Variants in ZSCAN9 observed in about 807,000 individuals in gnomAD.
The protein encoded by ZSCAN9 is zinc finger and SCAN domain-containing protein 9.
ZSCAN9 carries 19 observed loss-of-function variants against 23.0 expected under a neutral mutation model. The ratio of observed to expected loss-of-function variants is 0.83; its 90% confidence interval spans 0.58 to 1.21. The LOEUF is 1.21. Among genes scored for constraint, ZSCAN9 ranks in the 50% most tolerant of loss-of-function variants. The pLI is 0.00. For missense variants in ZSCAN9, 467 were observed against 471.5 expected (o/e 0.99, Z 0.09); for synonymous variants, 155 against 164.8 (o/e 0.94, Z 0.46).
Position 28,227,057 on chromosome 6 carries a change from G to T in ZSCAN9, c.-28G>T. On this transcript the variant is annotated 5_prime_UTR_variant, in exon 2 of 4. Coordinates refer to ENST00000252207, the MANE Select transcript of ZSCAN9 (RefSeq NM_006299.5). ...TCTTGAAGCATAGCTCCAGCTGGAGGGTACCTTTTAAGCTGTTCAAGGTCA... is the reference window on the plus strand; with the variant it reads ...TCTTGAAGCATAGCTCCAGCTGGAGTGTACCTTTTAAGCTGTTCAAGGTCA... The T allele has an allele frequency of 6.3e-7, 1 of 1,592,084 alleles. No homozygotes were observed. The highest frequency in any genetic ancestry group is 8.6e-7 in the Non-Finnish European group (1 of 1,168,236).
In ZSCAN9 at chr6:28,232,980, G is replaced by A; in HGVS notation, c.987G>A (p.Gln329=). The change falls in exon 4 of 4, where the codon CAG becomes CAA. Residue 329 remains glutamine (Q), a synonymous_variant. Transcript: ENST00000252207. ...AGAGTGCGGGTCTTATCCAGCATCA[G>A]AGAATCCACAAAGGAGAAAAGCCGT... ...FSQSAGLIQH[Q]RIHKGEKPYQ... 2 of 1,614,172 alleles carry A rather than the reference G, an allele frequency of 1.2e-6. No homozygotes were observed. Among genetic ancestry groups the A allele is most frequent in the Non-Finnish European group, 1.7e-6 (2 of 1,180,032 alleles).
intron 3 of ZSCAN9, among the ~76,000 whole-genome samples, chr6:28,230,127 G>C (rs1448547441): frequency 6.6e-6 from 1 of 152,198 alleles, no homozygotes; most frequent in Non-Finnish European, 1.5e-5. Context: ...GAAGTGCTGG[G>C]ATTACAGGCG....
intron 1 of ZSCAN9, among the ~76,000 whole-genome samples, chr6:28,226,126 A>T (rs1760109169): frequency 6.6e-6 from 1 of 152,204 alleles, no homozygotes; most frequent in African/African-American, 2.4e-5. Flanking sequence ...TCCATTTCTT[A>T]TCTAGTGAAA....
chr6:28,227,854 AT>A lies in ZSCAN9; in HGVS notation c.568+20del. The A allele has an allele frequency of 6.2e-7, 1 of 1,613,210 alleles. No homozygotes were observed. The highest frequency in any genetic ancestry group is 1.1e-5 in the South Asian group (1 of 91,012). On this transcript the variant is annotated intron_variant, in intron 3 of 3. Transcript: ENST00000252207. ...GAGAGACAGGTGAGGGACAGCATTTATTTGATGTTGAACGAATCCCACCTGG... is the reference window on the plus strand; with the variant it reads ...GAGAGACAGGTGAGGGACAGCATTTATTGATGTTGAACGAATCCCACCTGG...
intron 3 of ZSCAN9, among the ~76,000 whole-genome samples, chr6:28,232,181 A>G (rs1760321823): frequency 6.6e-6 from 1 of 152,110 alleles, no homozygotes; most frequent in Admixed American, 6.5e-5. Flanking sequence ...AAAATACAAA[A>G]TTAGTTGGGC....
chr6:28,227,951 G>A, intron 3 of ZSCAN9, 114 bp downstream of exon 3: 1 of 1,218,798 alleles, frequency 8.2e-7, no homozygotes, highest in East Asian at 2.5e-5. Context: ...CCAGATAGCA[G>A]TAATGGTCAG....
intron 3 of ZSCAN9, chr6:28,230,336 A>T: frequency 6.5e-7 from 1 of 1,528,962 alleles, no homozygotes; most frequent in Non-Finnish European, 8.7e-7. Flanking sequence ...TGGATTTCAG[A>T]TTTAATACGA....
At chr6:28,228,854 G>A (rs1355023833) in intron 3 of ZSCAN9, 1 of 154,398 alleles carries the variant, frequency 6.5e-6, no homozygotes, top group African/African-American at 2.4e-5. Flanking sequence ...TCTTCTGAGT[G>A]GTGGCAGTGA....
intron 1 of ZSCAN9, among the ~76,000 whole-genome samples, chr6:28,226,712 A>C (rs1760124331): frequency 1.3e-5 from 2 of 152,124 alleles, no homozygotes; most frequent in Admixed American, 1.3e-4. Flanking sequence ...AGGATCACTT[A>C]AACCCAGGAG....
At position 28,233,212 on chromosome 6, in the gene ZSCAN9, C is replaced by T. The variant is rs1760376474; in HGVS notation, c.*34C>T. On this transcript the variant is annotated 3_prime_UTR_variant, in exon 4 of 4. Coordinates refer to ENST00000252207, the MANE Select transcript of ZSCAN9 (RefSeq NM_006299.5). ...TATGAGCAAGTTTTCCAGATCACCACCCAAGTTGTGTGGGGCAGGTTGAGA... is the reference window on the plus strand; with the variant it reads ...TATGAGCAAGTTTTCCAGATCACCATCCAAGTTGTGTGGGGCAGGTTGAGA... The T allele has an allele frequency of 4.4e-6, 7 of 1,592,636 alleles. No individual in the cohort carries two copies. The highest frequency in any genetic ancestry group is 6.0e-6 in the Non-Finnish European group (7 of 1,167,726).
intron 3 of ZSCAN9, 140 bp from the exon 4 acceptor site, chr6:28,232,422 A>G: frequency 5.7e-6 from 8 of 1,411,280 alleles, no homozygotes; most frequent in South Asian, 3.0e-5. Flanking sequence ...GTTCCTCCCT[A>G]CGTAGGGGAA....
chr6:28,226,945 G>A, intron 1 of ZSCAN9, 67 bp from the exon 2 acceptor site: 1 of 693,212 alleles, frequency 1.4e-6, no homozygotes, highest in South Asian at 2.2e-5. Flanking sequence ...ATAATTGCTT[G>A]TATTATCAGT....
intron 3 of ZSCAN9, among the ~76,000 whole-genome samples, chr6:28,231,457 ATTGTT>A (rs146743957): frequency 0.014 from 2,101 of 152,240 alleles, 39 homozygotes; most frequent in African/African-American, 0.048. Flanking sequence ...AAACTTAAGA[ATTGTT>A]TGTGCTGGGC....
At chr6:28,232,441 C>A (rs1760338207) in intron 3 of ZSCAN9, 121 bp from the exon 4 acceptor site, 2 of 1,459,810 alleles carry the variant, frequency 1.4e-6, no homozygotes, top group Admixed American at 5.1e-5. Flanking sequence ...AAAGTGTTAC[C>A]ACACTAGCCC....
chr6:28,232,373 G>A (rs934273152), intron 3 of ZSCAN9, among the ~76,000 whole-genome samples, 189 bp from the exon 4 acceptor site: 1 of 152,154 alleles, frequency 6.6e-6, no homozygotes, highest in Non-Finnish European at 1.5e-5. Flanking sequence ...AAGTCTACAT[G>A]GGGATGGACT....
rs748720527 is a variant in ZSCAN9, at chr6:28,233,229, A to G, written c.*51A>G. 6.4e-6 allele frequency: 10 copies of G among 1,563,674 alleles called. No homozygotes were observed. The African/African-American group carries it at 1.2e-4, about 19-fold the overall frequency. On this transcript the variant is annotated 3_prime_UTR_variant, in exon 4 of 4. Coordinates refer to ENST00000252207, the MANE Select transcript of ZSCAN9 (RefSeq NM_006299.5). ...GATCACCACCCAAGTTGTGTGGGGC[A>G]GGTTGAGACTAGAAAATGCCTCTTT...
rs12197427 is a variant in ZSCAN9 at position 28,227,743 on chromosome 6, A to G, written c.474A>G (p.Leu158=). 47,302 of 1,612,318 alleles carry G rather than the reference A, an allele frequency of 0.029. 994 individuals are homozygous for G. Among genetic ancestry groups the G allele is most frequent in the Middle Eastern group, 0.067 (406 of 6,052 alleles). Reference sequence around the variant, plus strand: ...TCCTCTGTAAAGAGATGGTGCCTCTAGCAGAGCAGACACCACTGACCCTTC... The same window carrying G: ...TCCTCTGTAAAGAGATGGTGCCTCTGGCAGAGCAGACACCACTGACCCTTC... ...QEVLCKEMVP[L]AEQTPLTLQS... is the part of the protein sequence containing the mutation. The change falls in exon 3 of 4, where the codon CTA becomes CTG. Residue 158 remains leucine, a synonymous_variant. Coordinates refer to ENST00000252207, the MANE Select transcript of ZSCAN9 (RefSeq NM_006299.5).
At position 28,233,122 on chromosome 6, in the gene ZSCAN9, C is replaced by G. The variant is rs568623817; in HGVS notation, c.1129C>G (p.Arg377Gly). 3.7e-6 allele frequency: 6 copies of G among 1,614,102 alleles called. No homozygotes were observed. The highest frequency in any genetic ancestry group is 5.1e-6 in the Non-Finnish European group (6 of 1,180,018). The change falls in exon 4 of 4, where the codon CGA becomes GGA. Residue 377 changes from arginine to glycine, a missense_variant. Transcript: ENST00000252207. ...CATTGAATGTGGGAAAAGCTTTAATCGACACTGCAACCTCATTCGCCATCA... is the reference window on the plus strand; with the variant it reads ...CATTGAATGTGGGAAAAGCTTTAATGGACACTGCAACCTCATTCGCCATCA... ...QCIECGKSFN[R>G]HCNLIRHQKI...
rs993432723 is a variant in ZSCAN9, at chr6:28,232,468, C to A, written c.569-94C>A. The A allele has an allele frequency of 9.4e-5, 142 of 1,512,944 alleles. No individual in the cohort carries two copies. The Middle Eastern group carries it at 1.4e-3, about 15-fold the overall frequency. The allele number at this position is 1,512,944 out of a possible 1,614,324, so 93.7% of individuals were successfully genotyped here. A position where few individuals can be genotyped will look rare whatever the true frequency, so the allele number is the denominator to read the frequency against. ...CACTAGCCCTTCTGTTTCTAGCCCA[C>A]TTCCTTTTCTATGATATATTTTTAT... On this transcript the variant is annotated intron_variant, in intron 3 of 3. Transcript: ENST00000252207.
Sources: gnomAD v4.1 joint callset for allele counts (sites outside exome capture counted in the v4.1 genomes callset) on GRCh38, gnomAD v4.1.1 for gene constraint, MANE v1.5 for transcripts, NCBI Gene and HGNC (gene_info 2026-07-23, HGNC 2026-07-21) for gene names.